COPG2: variants seen among roughly 807,000 people sequenced by gnomAD.
COPG2 encodes the protein coatomer subunit gamma-2.
COPG2 carries 37 observed loss-of-function variants against 46.3 expected under a neutral mutation model. That is an observed-to-expected ratio of 0.80 (90% CI 0.61 to 1.05). COPG2 has a LOEUF of 1.05. Among genes scored for constraint, COPG2 ranks in the 50% least tolerant of loss-of-function variants. The pLI is 0.00. For synonymous variants in COPG2, 159 were observed against 129.7 expected (o/e 1.23, Z -1.53); for missense variants, 427 against 387.8 (o/e 1.10, Z -0.85).
chr7:130,667,343 T>C lies in COPG2; in HGVS notation c.90+139A>G, dbSNP rs1200235876. Reference sequence around the variant, plus strand: ...CCTGTGACAAGTAACCCCTCTTTCTTTTCCCTCAAATCTATATTCCCTAAA... The same window carrying C: ...CCTGTGACAAGTAACCCCTCTTTCTCTTCCCTCAAATCTATATTCCCTAAA... On this transcript the variant is annotated intron_variant, in intron 2 of 23. Transcript: ENST00000425248. The C allele has an allele frequency of 4.4e-6, 3 of 676,932 alleles. No homozygotes were observed. In the East Asian group the frequency reaches 8.1e-5, roughly 18 times the overall value. 41.9% of individuals were successfully genotyped at this position (676,932 alleles called of 1,614,324 possible).
intron 9 of COPG2, 166 bp downstream of exon 9, chr7:130,610,787 A>G: frequency 1.4e-6 from 1 of 734,724 alleles, no homozygotes; most frequent in Non-Finnish European, 2.4e-6. Flanking sequence ...AGTAAGGTTA[A>G]AAAAAGTGTG....
intron 20 of COPG2, chr7:130,511,534 G>A: frequency 3.8e-6 from 2 of 520,066 alleles, no homozygotes; most frequent in African/African-American, 1.9e-5. Context: ...GAAAGGGAAG[G>A]AGGAATGGTA....
At chr7:130,558,401 A>C (rs1486217047) in intron 12 of COPG2, among the ~76,000 whole-genome samples, 1 of 152,158 alleles carries the variant, frequency 6.6e-6, no homozygotes, top group African/African-American at 2.4e-5. Context: ...ACTGTGAGTA[A>C]AAGCTCCCTG....
Position 130,508,600 on chromosome 7 carries a change from C to T in COPG2, c.2209G>A (p.Gly737Arg). 1 of 777,256 alleles carries T rather than the reference C, an allele frequency of 1.3e-6. No individual in the cohort carries two copies. Among genetic ancestry groups the T allele is most frequent in the Non-Finnish European group, 2.4e-6 (1 of 416,682 alleles). The allele number at this position is 777,256 out of a possible 1,614,324, so 48.1% of individuals were successfully genotyped here. Reference sequence around the variant, plus strand: ...TCATACCCATCCTCATCTGGAACTCCAGTGTTAGGGTCACAGTCCCGGACT... The same window carrying T: ...TCATACCCATCCTCATCTGGAACTCTAGTGTTAGGGTCACAGTCCCGGACT... ...FTVRDCDPNT[G>R]VPDEDGYDDE... Residue 737 changes from glycine (G) to arginine (R), a missense_variant, in exon 21 of 24, where the codon GGA (glycine) becomes AGA (arginine). Coordinates refer to ENST00000425248, the MANE Select transcript of COPG2 (RefSeq NM_012133.6).
At chr7:130,520,793 G>T (rs1352002707) in intron 20 of COPG2, among the ~76,000 whole-genome samples, 1 of 152,136 alleles carries the variant, frequency 6.6e-6, no homozygotes, top group African/African-American at 2.4e-5. Flanking sequence ...ATTTAAAAAT[G>T]TATATGCATT....
Position 130,640,452 on chromosome 7 carries a change from T to A in COPG2, c.323+12417A>T, listed in dbSNP as rs890947697. Among the ~76,000 whole-genome samples, 9 of 146,060 alleles carry A rather than the reference T, an allele frequency of 6.2e-5. No homozygotes were observed. In the East Asian group the frequency reaches 7.7e-4, roughly 13 times the overall value. ...GTTATTTATTATTATTATTATTATT[T>A]ATTATTTGTAATCACTGGGAAAGAT... On this transcript the variant is annotated intron_variant, in intron 5 of 23. Transcript: ENST00000425248.
intron 5 of COPG2, among the ~76,000 whole-genome samples, chr7:130,635,933 A>G (rs1286952288): frequency 6.6e-6 from 1 of 152,006 alleles, no homozygotes; most frequent in Admixed American, 6.6e-5. Context: ...CAAAGAACTT[A>G]TTTATTTCTG....
At chr7:130,660,905 T>C (rs1426125658) in intron 4 of COPG2, among the ~76,000 whole-genome samples, 1 of 152,196 alleles carries the variant, frequency 6.6e-6, no homozygotes, top group African/African-American at 2.4e-5. Context: ...GCTTCCCTCC[T>C]AACCGAAGAT....
chr7:130,607,185 G>A (rs1554451371), intron 9 of COPG2, among the ~76,000 whole-genome samples: 1 of 151,874 alleles, frequency 6.6e-6, no homozygotes, highest in Non-Finnish European at 1.5e-5. Flanking sequence ...AGGTTGCAGT[G>A]AGCCAGGATC....
At chr7:130,633,087 T>C (rs1418679184) in intron 5 of COPG2, among the ~76,000 whole-genome samples, 1 of 152,234 alleles carries the variant, frequency 6.6e-6, no homozygotes, top group African/African-American at 2.4e-5. Context: ...TCCTTTTTTA[T>C]GGCTGCATAG....
intron 6 of COPG2, 132 bp from the exon 7 acceptor site, chr7:130,613,768 GGAT>G (rs1794899340): frequency 4.6e-6 from 3 of 645,642 alleles, no homozygotes; most frequent in South Asian, 3.8e-5. Flanking sequence ...TGCACTAAAA[GGAT>G]GATAATATAG....
chr7:130,571,169 T>A (rs1584977144), intron 9 of COPG2, among the ~76,000 whole-genome samples: 1 of 152,172 alleles, frequency 6.6e-6, no homozygotes, highest in East Asian at 1.9e-4. Flanking sequence ...CAAAAGCAAA[T>A]GCGAGAAAAG....
chr7:130,667,066 T>G, intron 2 of COPG2, 137 bp from the exon 3 acceptor site: 1 of 588,274 alleles, frequency 1.7e-6, no homozygotes, highest in Non-Finnish European at 2.9e-6. Flanking sequence ...TACTAAGGTA[T>G]CTGATAAATT....
At chr7:130,537,189 G>A (rs1265325644) in intron 20 of COPG2, among the ~76,000 whole-genome samples, 3 of 152,146 alleles carry the variant, frequency 2.0e-5, no homozygotes, top group East Asian at 1.9e-4. Context: ...AGAGGCAGAG[G>A]CTCCCCAGAG....
At position 130,598,583 on chromosome 7, in the gene COPG2, TC is replaced by T. The variant is rs781798422; in HGVS notation, c.737+12369del. On this transcript the variant is annotated intron_variant, in intron 9 of 23. Transcript: ENST00000425248. ...AGACCTTCACAAATGAAGAAGCAACTCATAACTTTCCTAGGTATGGCACGAT... is the reference window on the plus strand; with the variant it reads ...AGACCTTCACAAATGAAGAAGCAACTATAACTTTCCTAGGTATGGCACGAT... Among the ~76,000 whole-genome samples the T allele has an allele frequency of 9.2e-5, 14 of 152,304 alleles. No individual in the cohort carries two copies. In the East Asian group the frequency reaches 2.5e-3, roughly 27 times the overall value.
At chr7:130,548,645 G>A (rs1400995057) in intron 18 of COPG2, 103 bp from the exon 19 acceptor site, 8 of 391,494 alleles carry the variant, frequency 2.0e-5, no homozygotes, top group Non-Finnish European at 3.6e-5. Context: ...GCTCACGCCT[G>A]TAATCCCAGC....
chr7:130,623,037 A>C (rs985719400), intron 5 of COPG2, among the ~76,000 whole-genome samples: 1 of 152,178 alleles, frequency 6.6e-6, no homozygotes, highest in Non-Finnish European at 1.5e-5. Flanking sequence ...AGTGATCATC[A>C]TTCCAAATAT....
At chr7:130,526,221 T>C (rs1287492874) in intron 20 of COPG2, among the ~76,000 whole-genome samples, 1 of 151,986 alleles carries the variant, frequency 6.6e-6, no homozygotes, top group Non-Finnish European at 1.5e-5. Flanking sequence ...GTGGAAGATC[T>C]GGAGGAGCAA....
intron 8 of COPG2, 48 bp from the exon 9 acceptor site, chr7:130,611,158 A>G: frequency 6.6e-7 from 1 of 1,513,468 alleles, no homozygotes. Context: ...AAAGATGTCA[A>G]AATATTTACA....
Sources: gnomAD v4.1 joint callset for allele counts (sites outside exome capture counted in the v4.1 genomes callset) on GRCh38, gnomAD v4.1.1 for gene constraint, MANE v1.5 for transcripts, NCBI Gene and HGNC (gene_info 2026-07-23, HGNC 2026-07-21) for gene names.